Variants in GXYLT1 observed in about 807,000 individuals in gnomAD.
The protein encoded by GXYLT1 is glucoside xylosyltransferase 1, also known as glycosyltransferase 8 domain containing 3.
A neutral mutation model predicts 54.0 loss-of-function variants in GXYLT1; 29 were observed. The observed-to-expected ratio is 0.54, with a 90% CI of 0.40 to 0.73. The LOEUF is 0.73. GXYLT1 is among the 30% of genes least tolerant of loss of function. The probability of loss-of-function intolerance (pLI) is 0.00; values close to 1 mark genes in which losing one functional copy is unlikely to be tolerated. For synonymous variants in GXYLT1, 176 were observed against 204.1 expected (o/e 0.86, Z 1.17); for missense variants, 490 against 553.4 (o/e 0.89, Z 1.15).
intron 3 of GXYLT1, among the ~76,000 whole-genome samples, chr12:42,109,987 T>C (rs1029697484): frequency 1.3e-4 from 20 of 152,184 alleles, no homozygotes; most frequent in African/African-American, 4.8e-4. Context: ...CTTCCTCAAC[T>C]TTACCTAATG....
intron 7 of GXYLT1, among the ~76,000 whole-genome samples, chr12:42,093,623 G>C (rs2065340407): frequency 6.6e-6 from 1 of 152,130 alleles, no homozygotes; most frequent in African/African-American, 2.4e-5. Context: ...AATTACAAAT[G>C]GAATTTATGA....
At chr12:42,144,327 G>T in intron 1 of GXYLT1, 99 bp downstream of exon 1, 6 of 713,772 alleles carry the variant, frequency 8.4e-6, no homozygotes, top group South Asian at 2.5e-5. Context: ...GGAAAGACGC[G>T]GGAGACGCGG....
intron 1 of GXYLT1, among the ~76,000 whole-genome samples, chr12:42,138,139 C>T (rs1046039638): frequency 5.3e-5 from 8 of 151,988 alleles, no homozygotes; most frequent in Non-Finnish European, 8.8e-5. Context: ...TGGTGGCATG[C>T]GCCTGTAGTC....
intron 1 of GXYLT1, among the ~76,000 whole-genome samples, 199 bp downstream of exon 1, chr12:42,144,227 A>G (rs1286694866): frequency 1.3e-5 from 2 of 152,244 alleles, no homozygotes; most frequent in African/African-American, 4.8e-5. Context: ...ATAAACACAG[A>G]AAGTGTAGGA....
At position 42,144,730 on chromosome 12, in the gene GXYLT1, C is replaced by A. The variant is rs941008713; in HGVS notation, c.-84G>T. On this transcript the variant is annotated 5_prime_UTR_variant, in exon 1 of 8. Transcript: ENST00000398675. ...CGGAGGGAGGGGCACCGCGCAGCCGCGGGCGCAACAAGTTCCTCACCCGCA... is the reference window on the plus strand; with the variant it reads ...CGGAGGGAGGGGCACCGCGCAGCCGAGGGCGCAACAAGTTCCTCACCCGCA... 2.4e-5 allele frequency: 26 copies of A among 1,096,904 alleles called. 1 individual carries two copies. Among genetic ancestry groups the A allele is most frequent in the South Asian group, 4.8e-5 (2 of 41,586 alleles). 67.9% of individuals were successfully genotyped at this position (1,096,904 alleles called of 1,614,324 possible).
chr12:42,088,129 A>G (rs2065308093), intron 7 of GXYLT1, among the ~76,000 whole-genome samples, 182 bp from the exon 8 acceptor site: 1 of 152,162 alleles, frequency 6.6e-6, no homozygotes, highest in Non-Finnish European at 1.5e-5. Flanking sequence ...TCTCCCATTA[A>G]AGAAAGACAG....
chr12:42,106,746 T>C (rs1352201295), intron 4 of GXYLT1, among the ~76,000 whole-genome samples: 2 of 144,286 alleles, frequency 1.4e-5, no homozygotes, highest in Non-Finnish European at 3.0e-5. Context: ...TATTTTTCTT[T>C]TTTTTTTTTT....
intron 1 of GXYLT1, among the ~76,000 whole-genome samples, chr12:42,137,415 G>A (rs1194044841): frequency 6.6e-6 from 1 of 150,848 alleles, no homozygotes; most frequent in African/African-American, 2.4e-5. Flanking sequence ...GGCTAAGGCA[G>A]GAGAATCGCT....
intron 5 of GXYLT1, among the ~76,000 whole-genome samples, chr12:42,101,406 G>A (rs995567367): frequency 4.6e-5 from 7 of 151,974 alleles, no homozygotes; most frequent in African/African-American, 1.7e-4. Context: ...CACACAAAAA[G>A]AGAAAATAAA....
intron 7 of GXYLT1, among the ~76,000 whole-genome samples, chr12:42,092,262 G>A (rs1291037499): frequency 1.3e-5 from 2 of 152,194 alleles, no homozygotes; most frequent in South Asian, 2.1e-4. Flanking sequence ...TTAAACTAAA[G>A]TAGCACTCAT....
At chr12:42,095,344 A>G (rs995875319) in intron 7 of GXYLT1, among the ~76,000 whole-genome samples, 2 of 152,220 alleles carry the variant, frequency 1.3e-5, no homozygotes, top group African/African-American at 4.8e-5. Flanking sequence ...TGCATTATTT[A>G]TAATTCAAGC....
intron 5 of GXYLT1, among the ~76,000 whole-genome samples, chr12:42,102,551 T>C (rs1319882005): frequency 1.3e-5 from 2 of 152,198 alleles, no homozygotes; most frequent in East Asian, 3.8e-4. Context: ...TATAAAGCTG[T>C]ATAAAAGACA....
intron 3 of GXYLT1, among the ~76,000 whole-genome samples, chr12:42,114,423 C>T (rs934219648): frequency 4.6e-5 from 7 of 152,052 alleles, no homozygotes; most frequent in South Asian, 2.1e-4. Context: ...ATCAAATACA[C>T]GCAATAAAAC....
At position 42,144,648 on chromosome 12, in the gene GXYLT1, GC is replaced by G; in HGVS notation, c.-3del. On this transcript the variant is annotated 5_prime_UTR_variant, in exon 1 of 8. Coordinates refer to ENST00000398675, the MANE Select transcript of GXYLT1 (RefSeq NM_173601.2). ...CACGACGCGCAGGTAGCGCCGCATCGCCCCGGCCGCGCTCCTCCTTCGCCGC... is the reference window on the plus strand; with the variant it reads ...CACGACGCGCAGGTAGCGCCGCATCGCCCGGCCGCGCTCCTCCTTCGCCGC... 2 of 1,404,024 alleles carry G rather than the reference GC, an allele frequency of 1.4e-6. No homozygotes were observed. The highest frequency in any genetic ancestry group is 9.4e-7 in the Non-Finnish European group (1 of 1,062,646). 87.0% of individuals were successfully genotyped at this position (1,404,024 alleles called of 1,614,324 possible).
At chr12:42,115,317 A>G (rs2065486992) in intron 3 of GXYLT1, among the ~76,000 whole-genome samples, 2 of 152,332 alleles carry the variant, frequency 1.3e-5, no homozygotes, top group Non-Finnish European at 2.9e-5. Flanking sequence ...AGGGCATTCA[A>G]TTAGGAAAAG....
rs1026897783 is a variant in GXYLT1, at chr12:42,144,705, C to T, written c.-59G>A. On this transcript the variant is annotated 5_prime_UTR_variant, in exon 1 of 8. Transcript: ENST00000398675. ...CCGCGCCCGCCCCGACGAACTGGAG[C>T]GGAGGGAGGGGCACCGCGCAGCCGC... 3.5e-5 allele frequency: 44 copies of T among 1,273,966 alleles called. No individual in the cohort carries two copies. In the African/African-American group the frequency reaches 5.0e-4, roughly 14 times the overall value. 78.9% of individuals were successfully genotyped at this position (1,273,966 alleles called of 1,614,324 possible).
intron 3 of GXYLT1, among the ~76,000 whole-genome samples, chr12:42,111,717 C>G (rs185628028): frequency 1.3e-5 from 2 of 152,186 alleles, no homozygotes; most frequent in African/African-American, 4.8e-5. Flanking sequence ...GGGCAGGGCA[C>G]GGACAAACAA....
intron 4 of GXYLT1, 151 bp downstream of exon 4, chr12:42,109,415 T>A: frequency 2.0e-6 from 1 of 503,272 alleles, no homozygotes. Context: ...TTTTTCATGT[T>A]CAAAAGGAAG....
At chr12:42,129,987 A>C in intron 1 of GXYLT1, 136 bp from the exon 2 acceptor site, 1 of 582,758 alleles carries the variant, frequency 1.7e-6, no homozygotes, top group Non-Finnish European at 3.0e-6. Flanking sequence ...TTGCTATGAT[A>C]AAGATTTTGG....
Sources: allele counts gnomAD v4.1 joint callset (sites outside exome capture counted in the v4.1 genomes callset), GRCh38; gene constraint gnomAD v4.1.1; transcripts MANE v1.5; gene names NCBI Gene and HGNC (gene_info 2026-07-23, HGNC 2026-07-21).